ZNF554: variants seen among roughly 807,000 people sequenced by gnomAD.
ZNF554 encodes the protein zinc finger protein 554.
In ZNF554, 15 loss-of-function variants were observed where a neutral mutation model predicts 21.2. That is an observed-to-expected ratio of 0.71 (90% confidence interval 0.47 to 1.09). The LOEUF is 1.09. Among genes scored for constraint, ZNF554 ranks in the 50% least tolerant of loss-of-function variants. The pLI, the probability that ZNF554 is intolerant of heterozygous loss-of-function variation, is 0.00. For missense variants in ZNF554, 691 were observed against 662.7 expected, an observed-to-expected ratio of 1.04 and a Z score of -0.47; for synonymous variants, 258 against 251.4, an observed-to-expected ratio of 1.03 and a Z score of -0.25.
Position 2,834,846 on chromosome 19 carries a change from A to G in ZNF554, c.1611A>G (p.Gly537=). The G allele has an allele frequency of 6.3e-7, 1 of 1,580,844 alleles. No homozygotes were observed. The highest frequency in any genetic ancestry group is 8.6e-7 in the Non-Finnish European group (1 of 1,160,122). ...TCTACCAGAACAGACATCTTATTGG[A>G]TATTAGCAATTGCACGCTGCTTTGT... is the stretch of plus-strand genomic sequence containing the variant. ...KAFYQNRHLI[G]Y Residue 537 remains glycine (G), a synonymous_variant, in exon 5 of 5, where the codon GGA becomes GGG. Transcript: ENST00000317243.
rs558958568 is a variant in ZNF554, at chr19:2,821,771, A to G, written c.54-1269A>G. Among the ~76,000 whole-genome samples the G allele has an allele frequency of 2.0e-5, 3 of 151,782 alleles. No homozygotes were observed. Among genetic ancestry groups the G allele is most frequent in the Admixed American group, 6.6e-5 (1 of 15,252 alleles). On this transcript the variant is annotated intron_variant, in intron 1 of 4. Transcript: ENST00000317243. The surrounding 1 kb of genome is among the most constrained non-coding windows in gnomAD (Gnocchi z 8.2). ...AATCTCTACCCCACAGGATCAAGCA[A>G]TTCTGCCTCAGCCTCTCGAGTAGCT...
chr19:2,827,861 G>C, intron 3 of ZNF554, 118 bp downstream of exon 3: 5 of 1,290,824 alleles, frequency 3.9e-6, no homozygotes. Flanking sequence ...AAAGGAAAGG[G>C]GGTTTAATGG....
chr19:2,832,988 GCCATGACT>G (rs2087440540), intron 4 of ZNF554, among the ~76,000 whole-genome samples: 1 of 151,704 alleles, frequency 6.6e-6, no homozygotes, highest in Admixed American at 6.6e-5. Flanking sequence ...ACAGGCATCA[GCCATGACT>G]CCTGGCCCCA....
chr19:2,834,714 G>T lies in ZNF554; in HGVS notation c.1479G>T (p.Arg493Ser), dbSNP rs933952560. The T allele has an allele frequency of 2.5e-6, 4 of 1,613,722 alleles. No homozygotes were observed. The African/African-American group carries it at 5.3e-5, about 22-fold the overall frequency. ...ERTHTGEKPY[R>S]CQECGKAFSQ... ...CTCACACTGGAGAGAAACCCTACAG[G>T]TGTCAGGAATGTGGGAAAGCCTTCA... The change falls in exon 5 of 5, where the codon AGG (arginine) becomes AGT (serine). Residue 493 changes from arginine (R) to serine (S), a missense_variant. By Grantham distance (110) the Arg-to-Ser change is moderately radical (BLOSUM62 -1). Coordinates refer to ENST00000317243, the MANE Select transcript of ZNF554 (RefSeq NM_001102651.2).
chr19:2,824,523 C>G (rs1477830385), intron 2 of ZNF554, among the ~76,000 whole-genome samples: 1 of 152,240 alleles, frequency 6.6e-6, no homozygotes, highest in Non-Finnish European at 1.5e-5. Context: ...AGGAAGGCAT[C>G]CTCCTCTTTA....
At chr19:2,827,519 C>A in intron 2 of ZNF554, 98 bp from the exon 3 acceptor site, 2 of 1,475,404 alleles carry the variant, frequency 1.4e-6, no homozygotes, top group Non-Finnish European at 1.8e-6. Flanking sequence ...TGCACCTTGA[C>A]CTTTCTCAAC....
chr19:2,832,621 A>C, intron 4 of ZNF554, 127 bp downstream of exon 4: 3 of 943,598 alleles, frequency 3.2e-6, no homozygotes, highest in Non-Finnish European at 3.1e-6. Context: ...GGACACCTTC[A>C]GTTCATTTTC....
intron 1 of ZNF554, among the ~76,000 whole-genome samples, chr19:2,820,844 T>C (rs368842405): frequency 2.0e-5 from 3 of 151,306 alleles, no homozygotes; most frequent in Non-Finnish European, 4.4e-5. Flanking sequence ...TTTGCATTTT[T>C]AGTAGAGACG....
chr19:2,832,073 G>A lies in ZNF554; in HGVS notation c.254-230G>A, dbSNP rs527712813. 9.4e-6 allele frequency: 3 copies of A among 318,608 alleles called. No individual in the cohort carries two copies. In the Admixed American group the frequency reaches 1.4e-4, roughly 15 times the overall value. The allele number at this position is 318,608 out of a possible 1,614,324, so 19.7% of individuals were successfully genotyped here. On this transcript the variant is annotated intron_variant, in intron 3 of 4. Coordinates refer to ENST00000317243, the MANE Select transcript of ZNF554 (RefSeq NM_001102651.2). ...CCTGAGTAACTGGGGTTACAGGCAT[G>A]CACCACCACGCCCAGCTAATTTTTG...
rs1381770696 is a variant in ZNF554 at position 2,834,584 on chromosome 19, C to T, written c.1349C>T (p.Ser450Phe). The T allele has an allele frequency of 1.9e-6, 3 of 1,614,040 alleles. No homozygotes were observed. The highest frequency in any genetic ancestry group is 2.5e-6 in the Non-Finnish European group (3 of 1,180,040). Residue 450 changes from serine (S) to phenylalanine (F), a missense_variant, in exon 5 of 5, where the codon TCT (serine) becomes TTT (phenylalanine). Coordinates refer to ENST00000317243, the MANE Select transcript of ZNF554 (RefSeq NM_001102651.2). Reference sequence around the variant, plus strand: ...GGAAAGGCCTTCAGTGACCGTTCCTCTCTCAACCAGCACGAGCGAACTCAC... The same window carrying T: ...GGAAAGGCCTTCAGTGACCGTTCCTTTCTCAACCAGCACGAGCGAACTCAC... The part of the protein sequence containing the change: ...ECGKAFSDRS[S>F]LNQHERTHTG...
chr19:2,834,701 A>G lies in ZNF554; in HGVS notation c.1466A>G (p.Glu489Gly), dbSNP rs1186957391. ...LVRHERTHTG[E>G]KPYRCQECGK... ...AGGCACGAGAGAACTCACACTGGAGAGAAACCCTACAGGTGTCAGGAATGT... is the reference window on the plus strand; with the variant it reads ...AGGCACGAGAGAACTCACACTGGAGGGAAACCCTACAGGTGTCAGGAATGT... Residue 489 changes from glutamate (E) to glycine (G), a missense_variant, in exon 5 of 5, where the codon GAG (glutamate) becomes GGG (glycine). Coordinates refer to ENST00000317243, the MANE Select transcript of ZNF554 (RefSeq NM_001102651.2). 3.1e-6 allele frequency: 5 copies of G among 1,614,032 alleles called. No homozygotes were observed. Among genetic ancestry groups the G allele is most frequent in the Non-Finnish European group, 4.2e-6 (5 of 1,180,006 alleles).
chr19:2,835,302 C>A lies in ZNF554; in HGVS notation c.*450C>A. 1 of 157,504 alleles carries A rather than the reference C, an allele frequency of 6.3e-6. No homozygotes were observed. The highest frequency in any genetic ancestry group is 1.8e-4 in the South Asian group (1 of 5,478). 9.8% of individuals were successfully genotyped at this position (157,504 alleles called of 1,614,324 possible). On this transcript the variant is annotated 3_prime_UTR_variant, in exon 5 of 5. Transcript: ENST00000317243. The stretch of plus-strand genomic sequence containing the variant: ...CCTGGCTAACACAGTGAAACCCTGT[C>A]TCTACTAAAAATACAAAAAAGTAGC...
rs931892356 is a variant in ZNF554 at position 2,821,305 on chromosome 19, G to A, written c.53+1181G>A. Among the ~76,000 whole-genome samples the A allele has an allele frequency of 6.6e-6, 1 of 151,752 alleles. No individual in the cohort carries two copies. The highest frequency in any genetic ancestry group is 1.5e-5 in the Non-Finnish European group (1 of 68,022). On this transcript the variant is annotated intron_variant, in intron 1 of 4. Coordinates refer to ENST00000317243, the MANE Select transcript of ZNF554 (RefSeq NM_001102651.2). This position sits in a 1 kb window ranked among gnomAD's most constrained non-coding sequence, Gnocchi z 8.2. ...TTTCTCCATGTTGGCCAGCCAGGCTGGTATCGAACTCCTGACCTCAGGTGA... is the reference window on the plus strand; with the variant it reads ...TTTCTCCATGTTGGCCAGCCAGGCTAGTATCGAACTCCTGACCTCAGGTGA...
chr19:2,825,652 T>C (rs1183625519), intron 2 of ZNF554, among the ~76,000 whole-genome samples: 2 of 152,224 alleles, frequency 1.3e-5, no homozygotes, highest in Non-Finnish European at 2.9e-5. Context: ...AGTCTGGTCT[T>C]GAACTCCTGG....
Position 2,832,612 on chromosome 19 carries a change from G to A in ZNF554, c.445+118G>A, listed in dbSNP as rs1006943646. ...GGAGAATGCCAAGATCCCTTTCTCG[G>A]ACACCTTCAGTTCATTTTCTGGCAG... is the stretch of plus-strand genomic sequence containing the variant. On this transcript the variant is annotated intron_variant, in intron 4 of 4. Coordinates refer to ENST00000317243, the MANE Select transcript of ZNF554 (RefSeq NM_001102651.2). The A allele has an allele frequency of 2.0e-5, 20 of 1,011,166 alleles. No homozygotes were observed. In the Admixed American group the frequency reaches 3.9e-4, roughly 20 times the overall value. The allele number at this position is 1,011,166 out of a possible 1,614,324, so 62.6% of individuals were successfully genotyped here. A position where few individuals can be genotyped will look rare whatever the true frequency, so the allele number is the denominator to read the frequency against.
In ZNF554 at chr19:2,825,000, G is replaced by GTTTTTTTTTTTTTTTTTTTTTTTTTTT. The variant is rs1568332468; in HGVS notation, c.126+1890_126+1891insTTTTTTTTTTTTTTTTTTTTTTTTTTT. ...TCTCACTGAGCATAACGTGATTGCAGTTGTTTTTTTTTTTTTTTTTTTTTT... is the reference window on the plus strand; with the variant it reads ...TCTCACTGAGCATAACGTGATTGCAGTTTTTTTTTTTTTTTTTTTTTTTTTTTTTGTTTTTTTTTTTTTTTTTTTTTT... On this transcript the variant is annotated intron_variant, in intron 2 of 4. Coordinates refer to ENST00000317243, the MANE Select transcript of ZNF554 (RefSeq NM_001102651.2). 1.7e-5 allele frequency among the ~76,000 whole-genome samples: 2 copies of GTTTTTTTTTTTTTTTTTTTTTTTTTTT among 114,914 alleles called. 1 individual carries two copies. Among genetic ancestry groups the GTTTTTTTTTTTTTTTTTTTTTTTTTTT allele is most frequent in the Admixed American group, 1.9e-4 (2 of 10,448 alleles). The allele number at this position is 114,914 out of a possible 152,430, so 75.4% of individuals were successfully genotyped here.
intron 4 of ZNF554, among the ~76,000 whole-genome samples, 160 bp downstream of exon 4, chr19:2,832,654 A>G (rs1156430953): frequency 2.0e-5 from 3 of 152,110 alleles, no homozygotes. Flanking sequence ...CCTTCTCTTT[A>G]CTACCTTACA....
Position 2,834,332 on chromosome 19 carries a change from C to G in ZNF554, c.1097C>G (p.Thr366Ser). ...ECGRAFTHSSTLTRHLRTHTG... is the reference protein window; with the variant it reads ...ECGRAFTHSSSLTRHLRTHTG... Reference sequence around the variant, plus strand: ...GGGCGAGCCTTTACGCACAGCTCCACCCTCACGCGCCATCTGAGAACTCAT... The same window carrying G: ...GGGCGAGCCTTTACGCACAGCTCCAGCCTCACGCGCCATCTGAGAACTCAT... Residue 366 changes from threonine (T) to serine (S), a missense_variant, in exon 5 of 5, where the codon ACC becomes AGC. Transcript: ENST00000317243. 1 of 1,614,042 alleles carries G rather than the reference C, an allele frequency of 6.2e-7. No individual in the cohort carries two copies. The highest frequency in any genetic ancestry group is 8.5e-7 in the Non-Finnish European group (1 of 1,180,024).
chr19:2,834,982 A>G lies in ZNF554; in HGVS notation c.*130A>G. ...TCACCTTCTCACCTTCTTATAAGAA[A>G]GCTCTGAGAATGGGCATTTTTGTAT... On this transcript the variant is annotated 3_prime_UTR_variant, in exon 5 of 5. Transcript: ENST00000317243. 1 of 864,160 alleles carries G rather than the reference A, an allele frequency of 1.2e-6. No individual in the cohort carries two copies. The highest frequency in any genetic ancestry group is 1.7e-6 in the Non-Finnish European group (1 of 577,200). The allele number at this position is 864,160 out of a possible 1,614,324, so 53.5% of individuals were successfully genotyped here.
Sources: allele counts gnomAD v4.1 joint callset (sites outside exome capture counted in the v4.1 genomes callset), GRCh38; gene constraint gnomAD v4.1.1; non-coding constraint Gnocchi (gnomAD v3.1); transcripts MANE v1.5; gene names NCBI Gene and HGNC (gene_info 2026-07-23, HGNC 2026-07-21).